ZCCHC4: variants seen among roughly 807,000 people sequenced by gnomAD.
The protein encoded by ZCCHC4 is rRNA N(6)-adenosine-methyltransferase ZCCHC4.
Under a neutral mutation model 67.7 loss-of-function variants are expected in ZCCHC4, and 54 were observed. The observed-to-expected ratio is 0.80, with a 90% confidence interval of 0.64 to 1.00. The LOEUF is 1.00. ZCCHC4 is among the 50% of genes least tolerant of loss of function. ZCCHC4 has a pLI of 0.00. For missense variants in ZCCHC4, 609 were observed against 617.0 expected (o/e 0.99, Z 0.14); for synonymous variants, 198 against 213.5 (o/e 0.93, Z 0.63).
intron 8 of ZCCHC4, chr4:25,351,937 A>G: frequency 1.8e-6 from 2 of 1,131,974 alleles, no homozygotes; most frequent in Non-Finnish European, 1.1e-6. Flanking sequence ...AAGAAAAAAT[A>G]TCTCACCAAG....
At chr4:25,366,158 A>T (rs1720935329) in intron 12 of ZCCHC4, 4 of 981,010 alleles carry the variant, frequency 4.1e-6, no homozygotes, top group Admixed American at 6.2e-5. Context: ...GTCAGTGAAA[A>T]TTTTTTTTTC....
In ZCCHC4 at chr4:25,319,253, C is replaced by T. The variant is rs1171621561; in HGVS notation, c.329+3853C>T. 2.6e-5 allele frequency among the ~76,000 whole-genome samples: 4 copies of T among 152,096 alleles called. No homozygotes were observed. The South Asian group carries it at 8.3e-4, about 32-fold the overall frequency. On this transcript the variant is annotated intron_variant, in intron 3 of 12. Transcript: ENST00000302874. Reference sequence around the variant, plus strand: ...AAATAAAATTAGCTGGGCGTGGTGGCGGGCGCCTGTAGTCCCAGCTTCTCG... The same window carrying T: ...AAATAAAATTAGCTGGGCGTGGTGGTGGGCGCCTGTAGTCCCAGCTTCTCG...
At chr4:25,321,434 G>A (rs577735750) in intron 3 of ZCCHC4, among the ~76,000 whole-genome samples, 23 of 152,190 alleles carry the variant, frequency 1.5e-4, no homozygotes, top group Admixed American at 1.2e-3. Flanking sequence ...GTGCAGTGGC[G>A]TGATCTTGGC....
intron 6 of ZCCHC4, among the ~76,000 whole-genome samples, chr4:25,349,282 T>TAA (rs1256676271): frequency 1.3e-5 from 2 of 152,200 alleles, no homozygotes; most frequent in African/African-American, 4.8e-5. Flanking sequence ...TTTGCAATTT[T>TAA]AAAAACCTGC....
At position 25,369,490 on chromosome 4, in the gene ZCCHC4, A is replaced by G; in HGVS notation, c.*326A>G. On this transcript the variant is annotated 3_prime_UTR_variant, in exon 13 of 13. Coordinates refer to ENST00000302874, the MANE Select transcript of ZCCHC4 (RefSeq NM_024936.3). ...GCTCTGTCTCCCAGGCTAGAGTGCAATGGCACAACCTCAGCTCACTGCAAC... is the reference window on the plus strand; with the variant it reads ...GCTCTGTCTCCCAGGCTAGAGTGCAGTGGCACAACCTCAGCTCACTGCAAC... 4.0e-6 allele frequency: 1 copy of G among 247,008 alleles called. No individual in the cohort carries two copies. Among genetic ancestry groups the G allele is most frequent in the East Asian group, 1.3e-4 (1 of 7,968 alleles). 15.3% of individuals were successfully genotyped at this position (247,008 alleles called of 1,614,324 possible).
intron 3 of ZCCHC4, among the ~76,000 whole-genome samples, chr4:25,328,548 A>G (rs900163894): frequency 4.0e-5 from 6 of 151,556 alleles, no homozygotes; most frequent in Non-Finnish European, 5.9e-5. Flanking sequence ...TCCACAATCT[A>G]TCTTTTTTCC....
chr4:25,354,341 G>T (rs1720428946), intron 8 of ZCCHC4, among the ~76,000 whole-genome samples: 1 of 152,186 alleles, frequency 6.6e-6, no homozygotes, highest in Non-Finnish European at 1.5e-5. Context: ...TATTGATGAA[G>T]AAAGGTTCTG....
At chr4:25,364,946 ATCC>A in intron 11 of ZCCHC4, 73 bp from the exon 12 acceptor site, 1 of 1,587,004 alleles carries the variant, frequency 6.3e-7, no homozygotes, top group East Asian at 2.2e-5. Context: ...CTGTTCGTAT[ATCC>A]TACCTTAAAA....
At chr4:25,350,213 A>G (rs1489995213) in intron 7 of ZCCHC4, among the ~76,000 whole-genome samples, 1 of 150,406 alleles carries the variant, frequency 6.6e-6, no homozygotes, top group Non-Finnish European at 1.5e-5. Context: ...TATTCAGTTT[A>G]AGTGACTTAG....
chr4:25,365,106 G>A lies in ZCCHC4; in HGVS notation c.1346G>A (p.Gly449Asp). 1 of 1,614,174 alleles carries A rather than the reference G, an allele frequency of 6.2e-7. No individual in the cohort carries two copies. The highest frequency in any genetic ancestry group is 8.5e-7 in the Non-Finnish European group (1 of 1,180,018). Residue 449 changes from glycine (G) to aspartate (D), a missense_variant, in exon 12 of 13, where the codon GGT becomes GAT. Gly to Asp is a moderately conservative substitution (Grantham distance 94, BLOSUM62 -1). Coordinates refer to ENST00000302874, the MANE Select transcript of ZCCHC4 (RefSeq NM_024936.3). Reference sequence around the variant, plus strand: ...CCCAAACATGGCTGCTTTATTTGTGGTGAACTGGATCATAAACGCAGTACT... The same window carrying A: ...CCCAAACATGGCTGCTTTATTTGTGATGAACTGGATCATAAACGCAGTACT... ...EGPKHGCFIC[G>D]ELDHKRSTCP...
chr4:25,342,100 A>G (rs1719781574), intron 5 of ZCCHC4, among the ~76,000 whole-genome samples: 1 of 152,142 alleles, frequency 6.6e-6, no homozygotes, highest in Non-Finnish European at 1.5e-5. Flanking sequence ...TTGATAACGT[A>G]GTCTGTTATT....
rs770589320 is a variant in ZCCHC4 at position 25,362,280 on chromosome 4, C to T, written c.1188C>T (p.Leu396=). ...YVSLENQHCE[L]CNSCTSKDGR... is the part of the protein sequence containing the mutation. ...CTCTAGAGAATCAACACTGTGAGCT[C>T]TGTAATTCTTGCACATCCAAGGTAT... Residue 396 remains leucine, a synonymous_variant, in exon 10 of 13, where the codon CTC becomes CTT. Transcript: ENST00000302874. The T allele has an allele frequency of 1.9e-6, 3 of 1,604,286 alleles. No homozygotes were observed. The highest frequency in any genetic ancestry group is 2.6e-6 in the Non-Finnish European group (3 of 1,174,470).
chr4:25,365,123 C>A lies in ZCCHC4; in HGVS notation c.1363C>A (p.Arg455Ser). Reference protein sequence around the residue: ...CFICGELDHKRSTCPNIATSK... With the variant: ...CFICGELDHKSSTCPNIATSK... ...TATTTGTGGTGAACTGGATCATAAACGCAGTACTTGTCCTAACATTGCTAC... is the reference window on the plus strand; with the variant it reads ...TATTTGTGGTGAACTGGATCATAAAAGCAGTACTTGTCCTAACATTGCTAC... Residue 455 changes from arginine to serine, a missense_variant, in exon 12 of 13, where the codon CGC becomes AGC. Transcript: ENST00000302874. 1 of 1,614,176 alleles carries A rather than the reference C, an allele frequency of 6.2e-7. No individual in the cohort carries two copies. The highest frequency in any genetic ancestry group is 8.5e-7 in the Non-Finnish European group (1 of 1,180,008).
At chr4:25,354,976 A>ACCC (rs1468358549) in intron 8 of ZCCHC4, among the ~76,000 whole-genome samples, 1 of 148,894 alleles carries the variant, frequency 6.7e-6, no homozygotes, top group Non-Finnish European at 1.5e-5. Flanking sequence ...GCAGTAAAAA[A>ACCC]CCCCAAATCA....
intron 12 of ZCCHC4, among the ~76,000 whole-genome samples, chr4:25,368,581 T>G (rs556281352): frequency 2.6e-5 from 4 of 152,320 alleles, no homozygotes; most frequent in African/African-American, 9.6e-5. Flanking sequence ...CTTTCAAGGC[T>G]TCTCGGTTTT....
chr4:25,334,439 G>A (rs1269630440), intron 5 of ZCCHC4, among the ~76,000 whole-genome samples: 1 of 152,204 alleles, frequency 6.6e-6, no homozygotes, highest in Non-Finnish European at 1.5e-5. Flanking sequence ...AACATAGCCT[G>A]GAGTGAAGGG....
Position 25,339,509 on chromosome 4 carries a change from G to A in ZCCHC4, c.686+5521G>A, listed in dbSNP as rs564019403. ...GAGGTTTTGTTTTGTATTCCATGATGGCTAGTAATGTTAAGCATCTTTTCA... is the reference window on the plus strand; with the variant it reads ...GAGGTTTTGTTTTGTATTCCATGATAGCTAGTAATGTTAAGCATCTTTTCA... On this transcript the variant is annotated intron_variant, in intron 5 of 12. Coordinates refer to ENST00000302874, the MANE Select transcript of ZCCHC4 (RefSeq NM_024936.3). Among the ~76,000 whole-genome samples the A allele has an allele frequency of 3.7e-4, 57 of 152,266 alleles. No individual in the cohort carries two copies. In the South Asian group the frequency reaches 0.012, roughly 32 times the overall value.
chr4:25,346,219 T>C (rs1488367173), intron 6 of ZCCHC4, among the ~76,000 whole-genome samples: 1 of 147,326 alleles, frequency 6.8e-6, no homozygotes, highest in South Asian at 2.1e-4. Context: ...CTCAAACTGC[T>C]CTAAAAAATA....
intron 3 of ZCCHC4, among the ~76,000 whole-genome samples, chr4:25,328,174 C>T (rs1301373948): frequency 2.6e-5 from 4 of 151,962 alleles, no homozygotes. Context: ...TGTCATCTTG[C>T]TTATATTGTT....
Sources: allele counts gnomAD v4.1 joint callset (sites outside exome capture counted in the v4.1 genomes callset), GRCh38; gene constraint gnomAD v4.1.1; transcripts MANE v1.5; gene names NCBI Gene and HGNC (gene_info 2026-07-23, HGNC 2026-07-21).